Variants in ARPC1A observed in about 807,000 individuals in gnomAD.
ARPC1A encodes actin-related protein 2/3 complex subunit 1A.
ARPC1A carries 8 observed loss-of-function variants against 46.9 expected under a neutral mutation model. The observed-to-expected ratio is 0.17, with a 90% CI of 0.10 to 0.31. The LOEUF is 0.31. ARPC1A is among the 10% of genes least tolerant of loss of function. ARPC1A has a pLI of 1.00. For synonymous variants in ARPC1A, 152 were observed against 169.0 expected, an observed-to-expected ratio of 0.90 and a Z score of 0.78; for missense variants, 286 against 483.6, an observed-to-expected ratio of 0.59 and a Z score of 3.83.
At chr7:99,334,423 G>A (rs1793204579) in intron 2 of ARPC1A, among the ~76,000 whole-genome samples, 1 of 151,988 alleles carries the variant, frequency 6.6e-6, no homozygotes, top group Non-Finnish European at 1.5e-5. Flanking sequence ...AGCAGGATTG[G>A]GGAGAAAAAG....
chr7:99,336,282 CA>C (rs1793249521), intron 2 of ARPC1A, among the ~76,000 whole-genome samples: 1 of 152,040 alleles, frequency 6.6e-6, no homozygotes, highest in Admixed American at 6.6e-5. Flanking sequence ...TCTCTATATA[CA>C]TGTGAGAAAG....
intron 2 of ARPC1A, among the ~76,000 whole-genome samples, chr7:99,334,249 C>T (rs897386201): frequency 1.3e-5 from 2 of 151,882 alleles, no homozygotes; most frequent in Non-Finnish European, 2.9e-5. Context: ...GTAATCCCAG[C>T]TACTCAGGAG....
chr7:99,337,601 G>A (rs778026737), intron 2 of ARPC1A, among the ~76,000 whole-genome samples: 24 of 152,052 alleles, frequency 1.6e-4, no homozygotes, highest in Admixed American at 5.2e-4. Flanking sequence ...TCCGTTTTGT[G>A]TATTATATTT....
intron 1 of ARPC1A, among the ~76,000 whole-genome samples, chr7:99,333,124 T>C (rs771545887): frequency 5.9e-5 from 9 of 152,212 alleles, no homozygotes; most frequent in Non-Finnish European, 1.2e-4. Flanking sequence ...CTTGAACTCC[T>C]GACCTTGTGA....
chr7:99,341,463 G>T (rs1584378256), intron 3 of ARPC1A, among the ~76,000 whole-genome samples: 2 of 152,086 alleles, frequency 1.3e-5, no homozygotes, highest in Middle Eastern at 3.4e-3. Flanking sequence ...CACAAAATTA[G>T]CTGGGCGTGG....
At chr7:99,347,057 G>C (rs933446914) in intron 4 of ARPC1A, among the ~76,000 whole-genome samples, 1 of 151,958 alleles carries the variant, frequency 6.6e-6, no homozygotes, top group African/African-American at 2.4e-5. Flanking sequence ...GGGGATTTTG[G>C]TTTTTTATTT....
intron 9 of ARPC1A, among the ~76,000 whole-genome samples, chr7:99,365,317 G>A (rs1488538848): frequency 6.6e-6 from 1 of 152,042 alleles, no homozygotes; most frequent in Non-Finnish European, 1.5e-5. Context: ...CAGGCGCACT[G>A]ACCCACTCCT....
intron 4 of ARPC1A, among the ~76,000 whole-genome samples, chr7:99,344,989 G>A (rs1433462729): frequency 1.6e-5 from 2 of 128,046 alleles, no homozygotes; most frequent in Non-Finnish European, 3.1e-5. Context: ...TGGATGGAGC[G>A]CAGTGACACG....
chr7:99,327,497 T>C (rs1793066966), intron 1 of ARPC1A, among the ~76,000 whole-genome samples: 1 of 149,772 alleles, frequency 6.7e-6, no homozygotes, highest in African/African-American at 2.5e-5. Context: ...TTTTTTTGTA[T>C]TTTTTGTAAA....
chr7:99,333,472 C>A, intron 2 of ARPC1A, 55 bp downstream of exon 2: 1 of 1,486,370 alleles, frequency 6.7e-7, no homozygotes, highest in Non-Finnish European at 9.3e-7. Context: ...TACATTTCAT[C>A]TTTAGACACA....
Position 99,354,051 on chromosome 7 carries a change from A to C in ARPC1A, c.643A>C (p.Ser215Arg), listed in dbSNP as rs773688364. The part of the protein sequence containing the change: ...GWVHGVSFSA[S>R]GSRLAWVSHD... ...GGTCCACGGGGTAAGCTTCTCTGCC[A>C]GTGGGAGCCGCCTGGCCTGGGTCAG... Residue 215 changes from serine (S) to arginine (R), a missense_variant, in exon 6 of 10, where the codon AGT becomes CGT. Ser to Arg is a moderately radical substitution (Grantham distance 110, BLOSUM62 -1). Around this residue, in one of 5 missense-constraint regions of ARPC1A, gnomAD observed 182 missense variants for 276.7 expected, o/e 0.66. Transcript: ENST00000262942. 1 of 1,614,010 alleles carries C rather than the reference A, an allele frequency of 6.2e-7. No homozygotes were observed. The highest frequency in any genetic ancestry group is 8.5e-7 in the Non-Finnish European group (1 of 1,179,942).
Position 99,338,188 on chromosome 7 carries a change from C to A in ARPC1A, c.72C>A (p.Ala24=). 1 of 1,609,548 alleles carries A rather than the reference C, an allele frequency of 6.2e-7. No homozygotes were observed. The highest frequency in any genetic ancestry group is 1.3e-5 in the African/African-American group (1 of 74,794). Reference sequence around the variant, plus strand: ...TTTGACTTGTGTCTCCAGAGATTGCCCTCAGTCCCAATAATCACGAAGTGC... The same window carrying A: ...TTTGACTTGTGTCTCCAGAGATTGCACTCAGTCCCAATAATCACGAAGTGC... ...HAWNRDRTQI[A]LSPNNHEVHI... The change falls in exon 3 of 10, where the codon GCC becomes GCA. Residue 24 remains alanine (A), a synonymous_variant. Transcript: ENST00000262942.
At chr7:99,344,544 C>A (rs368213509) in intron 4 of ARPC1A, 29 bp downstream of exon 4, 2 of 1,606,598 alleles carry the variant, frequency 1.2e-6, no homozygotes, top group East Asian at 2.2e-5. Flanking sequence ...TTTTCTATCC[C>A]TCTCTATAGA....
At chr7:99,360,750 G>GC (rs1006854091) in intron 8 of ARPC1A, among the ~76,000 whole-genome samples, 1 of 152,042 alleles carries the variant, frequency 6.6e-6, no homozygotes, top group African/African-American at 2.4e-5. Flanking sequence ...GACCAGCCTT[G>GC]CCAACATGGC....
intron 3 of ARPC1A, among the ~76,000 whole-genome samples, chr7:99,338,840 A>C (rs1425247386): frequency 1.3e-5 from 2 of 152,200 alleles, no homozygotes; most frequent in Non-Finnish European, 2.9e-5. Context: ...CTGAGGACTA[A>C]AGAGCTAAAA....
At chr7:99,338,871 T>C (rs1297407121) in intron 3 of ARPC1A, among the ~76,000 whole-genome samples, 1 of 152,076 alleles carries the variant, frequency 6.6e-6, no homozygotes, top group East Asian at 1.9e-4. Context: ...AGACGTGAAA[T>C]TGAAAGCTAG....
chr7:99,357,018 T>C (rs1793648234), intron 6 of ARPC1A, among the ~76,000 whole-genome samples: 1 of 152,234 alleles, frequency 6.6e-6, no homozygotes, highest in Non-Finnish European at 1.5e-5. Flanking sequence ...GAAATAAGAT[T>C]ATTTTATACA....
chr7:99,358,472 G>A (rs2150873262), intron 7 of ARPC1A, 57 bp downstream of exon 7: 1 of 1,484,614 alleles, frequency 6.7e-7, no homozygotes. Flanking sequence ...CTCAGACAGG[G>A]AACAATGTGT....
In ARPC1A at chr7:99,338,172, T is replaced by C; in HGVS notation, c.65-9T>C. The C allele has an allele frequency of 1.3e-6, 2 of 1,590,814 alleles. No individual in the cohort carries two copies. The highest frequency in any genetic ancestry group is 2.2e-5 in the East Asian group (1 of 44,742). ...CAGGTGTTAACTGTTGTTTGACTTG[T>C]GTCTCCAGAGATTGCCCTCAGTCCC... On this transcript the variant is annotated splice_polypyrimidine_tract_variant and intron_variant, in intron 2 of 9. Transcript: ENST00000262942.
Sources: allele counts gnomAD v4.1 joint callset (sites outside exome capture counted in the v4.1 genomes callset), GRCh38; gene constraint gnomAD v4.1.1; regional missense constraint gnomAD v4.1.1; transcripts MANE v1.5; gene names NCBI Gene and HGNC (gene_info 2026-07-23, HGNC 2026-07-21).